Variants in ATPAF1 observed in about 807,000 individuals in gnomAD.
ATPAF1 encodes ATP synthase mitochondrial F1 complex assembly factor 1.
ATPAF1 carries 26 observed loss-of-function variants against 43.9 expected under a neutral mutation model. The ratio of observed to expected loss-of-function variants is 0.59; its 90% CI spans 0.43 to 0.82. ATPAF1 has a LOEUF of 0.82. Ranked by LOEUF, ATPAF1 falls within the 40% of genes least tolerant of loss-of-function variation. ATPAF1 has a pLI of 0.00. For missense variants in ATPAF1, 366 were observed against 435.0 expected (o/e 0.84, Z 1.41); for synonymous variants, 157 against 168.0 (o/e 0.93, Z 0.50).
Position 46,653,896 on chromosome 1 carries a change from A to G in ATPAF1, c.490-29T>C. The stretch of plus-strand genomic sequence containing the variant: ...TACAAAAAAGAGAGGGGTGTCTGTG[A>G]CATGTGGGTAATCTTTTCAACATGT... On this transcript the variant is annotated intron_variant, in intron 4 of 8. Transcript: ENST00000574428. The surrounding 1 kb of genome is among the most constrained non-coding windows in gnomAD (Gnocchi z 4.8). The G allele has an allele frequency of 1.2e-6, 2 of 1,603,512 alleles. No individual in the cohort carries two copies. Among genetic ancestry groups the G allele is most frequent in the Non-Finnish European group, 1.7e-6 (2 of 1,173,232 alleles).
At chr1:46,640,895 A>T (rs1341337461) in intron 8 of ATPAF1, among the ~76,000 whole-genome samples, 1 of 152,074 alleles carries the variant, frequency 6.6e-6, no homozygotes, top group East Asian at 1.9e-4. Context: ...TAGGAAACTT[A>T]TACCACTACC....
intron 7 of ATPAF1, 72 bp from the exon 8 acceptor site, chr1:46,643,373 C>T (rs1218282661): frequency 8.0e-7 from 1 of 1,242,354 alleles, no homozygotes; most frequent in African/African-American, 1.5e-5. Context: ...AAGCAATAGA[C>T]AGTCTAGAGG....
rs1366948365 is a variant in ATPAF1 at position 46,665,374 on chromosome 1, G to A, written c.267-10C>T. 6.2e-7 allele frequency: 1 copy of A among 1,613,684 alleles called. No homozygotes were observed. The highest frequency in any genetic ancestry group is 2.2e-5 in the East Asian group (1 of 44,874). On this transcript the variant is annotated splice_polypyrimidine_tract_variant and intron_variant, in intron 1 of 8. Transcript: ENST00000574428. The stretch of plus-strand genomic sequence containing the variant: ...AGCAGCTGGGTCTGACCTGATCAGA[G>A]GTAAACCAAAGGGTAAACCAACTGG...
intron 8 of ATPAF1, among the ~76,000 whole-genome samples, chr1:46,642,707 A>G (rs931072888): frequency 1.3e-5 from 2 of 152,218 alleles, no homozygotes; most frequent in African/African-American, 4.8e-5. Flanking sequence ...ACAATCTCTT[A>G]TCTGAAACCC....
At chr1:46,648,181 G>A (rs759739137) in intron 6 of ATPAF1, among the ~76,000 whole-genome samples, 3 of 151,982 alleles carry the variant, frequency 2.0e-5, no homozygotes, top group African/African-American at 4.8e-5. Flanking sequence ...GTGTGACCTC[G>A]GCTCACTGCA....
At chr1:46,660,550 C>T (rs566847499) in intron 2 of ATPAF1, among the ~76,000 whole-genome samples, 3 of 152,160 alleles carry the variant, frequency 2.0e-5, no homozygotes, top group Non-Finnish European at 4.4e-5. Flanking sequence ...GAAAATGATG[C>T]CAATTAAATA....
intron 5 of ATPAF1, 74 bp from the exon 6 acceptor site, chr1:46,652,702 C>A: frequency 8.0e-7 from 1 of 1,253,648 alleles, no homozygotes; most frequent in Non-Finnish European, 1.1e-6. Flanking sequence ...TGTAATTCAC[C>A]AAGACTGAAT....
chr1:46,664,662 G>C (rs1676457193), intron 2 of ATPAF1: 1 of 152,338 alleles, frequency 6.6e-6, no homozygotes, highest in South Asian at 2.1e-4. Flanking sequence ...GGCAGGGTTG[G>C]CTGGTTGTCA....
intron 2 of ATPAF1, chr1:46,663,843 G>A (rs1557429015): frequency 8.2e-7 from 1 of 1,216,768 alleles, no homozygotes; most frequent in Admixed American, 3.1e-5. Context: ...CTTAATTCAG[G>A]CTTCTGCAGC....
rs749360799 is a variant in ATPAF1 at position 46,645,273 on chromosome 1, T to C, written c.589-17A>G. 3 of 1,565,092 alleles carry C rather than the reference T, an allele frequency of 1.9e-6. No individual in the cohort carries two copies. The highest frequency in any genetic ancestry group is 2.2e-5 in the East Asian group (1 of 44,634). The stretch of plus-strand genomic sequence containing the variant: ...ACATAGAAACTGTGAAAAACAGATA[T>C]ACAAGGAGACAGATGAATAAATGAA... On this transcript the variant is annotated splice_polypyrimidine_tract_variant and intron_variant, in intron 6 of 8. Transcript: ENST00000574428.
Position 46,668,127 on chromosome 1 carries a change from C to G in ATPAF1, c.196G>C (p.Gly66Arg), listed in dbSNP as rs1676524191. The change falls in exon 1 of 9, where the codon GGG becomes CGG. Residue 66 changes from glycine (G) to arginine (R), a missense_variant. This residue lies in a region of ATPAF1 where 186 missense variants were observed against 168.5 expected (regional missense o/e 1.10). Coordinates refer to ENST00000574428, the Ensembl canonical transcript of ATPAF1. The surrounding 1 kb of genome is among the most constrained non-coding windows in gnomAD (Gnocchi z 4.4). Reference sequence around the variant, plus strand: ...TTGGCCTGGAGCTCGGCCTCGGCCCCGACCCCGCTGCTGTCGGCGCCCCCC... The same window carrying G: ...TTGGCCTGGAGCTCGGCCTCGGCCCGGACCCCGCTGCTGTCGGCGCCCCCC... The G allele has an allele frequency of 1.4e-6, 2 of 1,428,656 alleles. No homozygotes were observed. Among genetic ancestry groups the G allele is most frequent in the African/African-American group, 1.5e-5 (1 of 66,582 alleles). The allele number at this position is 1,428,656 out of a possible 1,614,324, so 88.5% of individuals were successfully genotyped here.
chr1:46,642,585 A>G (rs992031752), intron 8 of ATPAF1, among the ~76,000 whole-genome samples: 2 of 152,218 alleles, frequency 1.3e-5, no homozygotes, highest in African/African-American at 4.8e-5. Context: ...GAAAAACACT[A>G]TAAATGATGA....
At chr1:46,665,532 G>T in intron 1 of ATPAF1, 168 bp from the exon 2 acceptor site, 1 of 1,219,830 alleles carries the variant, frequency 8.2e-7, no homozygotes, top group South Asian at 1.4e-5. Context: ...TAAAGAAACT[G>T]GAAAAAGAAA....
intron 6 of ATPAF1, among the ~76,000 whole-genome samples, chr1:46,650,131 T>C (rs1676136477): frequency 1.3e-5 from 2 of 152,258 alleles, no homozygotes; most frequent in Non-Finnish European, 1.5e-5. Flanking sequence ...AGCTCAGTAT[T>C]TCAGCTACGA....
At chr1:46,652,103 T>C (rs1418466342) in intron 6 of ATPAF1, among the ~76,000 whole-genome samples, 1 of 152,036 alleles carries the variant, frequency 6.6e-6, no homozygotes, top group Non-Finnish European at 1.5e-5. Context: ...ATGTGCTAAT[T>C]ATTCTGATTT....
chr1:46,643,317 C>A lies in ATPAF1; in HGVS notation c.685-16G>T. The A allele has an allele frequency of 6.3e-7, 1 of 1,575,066 alleles. No individual in the cohort carries two copies. Among genetic ancestry groups the A allele is most frequent in the Non-Finnish European group, 8.7e-7 (1 of 1,147,972 alleles). ...CCCCTCGGGTCTGCAAGGTGGAACACTTATCAAGGCTCAATAAGGTACCAT... is the reference window on the plus strand; with the variant it reads ...CCCCTCGGGTCTGCAAGGTGGAACAATTATCAAGGCTCAATAAGGTACCAT... On this transcript the variant is annotated splice_polypyrimidine_tract_variant and intron_variant, in intron 7 of 8. Coordinates refer to ENST00000574428, the Ensembl canonical transcript of ATPAF1.
At chr1:46,641,203 G>C (rs1459037913) in intron 8 of ATPAF1, among the ~76,000 whole-genome samples, 1 of 151,948 alleles carries the variant, frequency 6.6e-6, no homozygotes, top group Non-Finnish European at 1.5e-5. Context: ...TCAGCCTTCC[G>C]AGCAGCTGAG....
At chr1:46,663,427 C>T (rs867706275) in intron 2 of ATPAF1, among the ~76,000 whole-genome samples, 3 of 152,218 alleles carry the variant, frequency 2.0e-5, no homozygotes, top group Non-Finnish European at 1.5e-5. Context: ...TATTTCTCCA[C>T]ATCCTCTCCA....
chr1:46,644,717 TA>T (rs1676008347), intron 7 of ATPAF1, among the ~76,000 whole-genome samples: 1 of 117,288 alleles, frequency 8.5e-6, no homozygotes, highest in South Asian at 3.3e-4. Flanking sequence ...AATAAAGAAA[TA>T]AAGGAAGAAA....
Sources: gnomAD v4.1 joint callset for allele counts (sites outside exome capture counted in the v4.1 genomes callset) on GRCh38, gnomAD v4.1.1 for gene constraint, gnomAD v4.1.1 regional missense constraint, Gnocchi (gnomAD v3.1) non-coding constraint, MANE v1.5 for transcripts, NCBI Gene and HGNC (gene_info 2026-07-23, HGNC 2026-07-21) for gene names.